Variants in PTPRT observed in about 807,000 individuals in gnomAD.
PTPRT encodes protein tyrosine phosphatase receptor type T, also known as receptor-type tyrosine-protein phosphatase T.
PTPRT carries 56 observed loss-of-function variants against 176.8 expected under a neutral mutation model. The observed-to-expected ratio is 0.32, with a 90% CI of 0.26 to 0.40. The LOEUF is 0.40. Ranked by LOEUF, PTPRT falls within the 10% of genes least tolerant of loss-of-function variation. The pLI, the probability that PTPRT is intolerant of heterozygous loss-of-function variation, is 1.00. For missense variants in PTPRT, 1,540 were observed against 1,908.2 expected (o/e 0.81, Z 3.60); for synonymous variants, 783 against 739.0 (o/e 1.06, Z -0.96).
At chr20:42,780,944 T>C (rs919909731) in intron 3 of PTPRT, among the ~76,000 whole-genome samples, 7 of 152,190 alleles carry the variant, frequency 4.6e-5, no homozygotes, top group Admixed American at 6.5e-5. Context: ...AATGTCTGTG[T>C]GGATAGCATG....
At position 42,154,776 on chromosome 20, in the gene PTPRT, G is replaced by A. The variant is rs139536482; in HGVS notation, c.2682+6576C>T. 2.6e-3 allele frequency among the ~76,000 whole-genome samples: 394 copies of A among 152,242 alleles called. 1 individual carries two copies. The highest frequency in any genetic ancestry group is 9.3e-3 in the African/African-American group (387 of 41,538). ...CAGTTACATGGGACACAGATAACTCGGCTCTCCAGCCCACATCTCTTATAT... is the reference window on the plus strand; with the variant it reads ...CAGTTACATGGGACACAGATAACTCAGCTCTCCAGCCCACATCTCTTATAT... On this transcript the variant is annotated intron_variant, in intron 17 of 30. Transcript: ENST00000373187.
chr20:42,704,431 CAA>C (rs3091987), intron 6 of PTPRT, among the ~76,000 whole-genome samples: 22 of 133,700 alleles, frequency 1.6e-4, no homozygotes, highest in Admixed American at 2.9e-4. Flanking sequence ...CGTTGATATC[CAA>C]AAAAAAAAAA....
At chr20:42,809,193 TCTC>T (rs1293104464) in intron 2 of PTPRT, among the ~76,000 whole-genome samples, 1 of 152,024 alleles carries the variant, frequency 6.6e-6, no homozygotes, top group Non-Finnish European at 1.5e-5. Flanking sequence ...ACTGCCCAAT[TCTC>T]CTTCCTCTCC....
intron 16 of PTPRT, among the ~76,000 whole-genome samples, 161 bp downstream of exon 16, chr20:42,199,079 C>T (rs1991344888): frequency 6.6e-6 from 1 of 152,028 alleles, no homozygotes; most frequent in African/African-American, 2.4e-5. Context: ...GATGAACTGC[C>T]CCAAGTCTTT....
intron 1 of PTPRT, among the ~76,000 whole-genome samples, chr20:43,138,586 C>T (rs2013907494): frequency 6.6e-6 from 1 of 152,210 alleles, no homozygotes; most frequent in Non-Finnish European, 1.5e-5. Flanking sequence ...TGAGTCACTG[C>T]CACTGTCATG....
At chr20:42,113,365 G>A (rs1166376508) in intron 22 of PTPRT, among the ~76,000 whole-genome samples, 1 of 152,244 alleles carries the variant, frequency 6.6e-6, no homozygotes, top group Non-Finnish European at 1.5e-5. Flanking sequence ...TGTGGCAGAT[G>A]AGACTGGTAC....
chr20:42,443,520 C>T (rs1380861484), intron 9 of PTPRT, among the ~76,000 whole-genome samples: 1 of 152,202 alleles, frequency 6.6e-6, no homozygotes, highest in Non-Finnish European at 1.5e-5. Flanking sequence ...AGATCTGAGG[C>T]CATGGTCTAA....
intron 9 of PTPRT, among the ~76,000 whole-genome samples, chr20:42,431,001 A>C: frequency 6.6e-6 from 1 of 151,382 alleles, no homozygotes; most frequent in Admixed American, 6.6e-5. Context: ...ATTCCATTCA[A>C]CCCAGTAATT....
chr20:42,575,533 T>C (rs1488890593), intron 7 of PTPRT, among the ~76,000 whole-genome samples: 1 of 152,134 alleles, frequency 6.6e-6, no homozygotes, highest in Non-Finnish European at 1.5e-5. Context: ...TAACCTCACT[T>C]CCCACAGTGC....
chr20:42,878,550 C>T (rs1389977640), intron 2 of PTPRT, among the ~76,000 whole-genome samples: 3 of 152,194 alleles, frequency 2.0e-5, no homozygotes, highest in African/African-American at 7.2e-5. Flanking sequence ...ACTCCTCAGC[C>T]ACATAAAACT....
chr20:42,683,486 C>G (rs2075639686), intron 6 of PTPRT, among the ~76,000 whole-genome samples: 2 of 152,120 alleles, frequency 1.3e-5, no homozygotes, highest in African/African-American at 4.8e-5. Flanking sequence ...CCATGTTTGC[C>G]AGGCAGGTCT....
At chr20:42,204,419 T>A (rs1168356255) in intron 15 of PTPRT, among the ~76,000 whole-genome samples, 2 of 152,206 alleles carry the variant, frequency 1.3e-5, no homozygotes, top group African/African-American at 2.4e-5. Flanking sequence ...TTTTTTTCTG[T>A]AGTTGCTTTG....
At chr20:42,622,529 C>A (rs1301959923) in intron 7 of PTPRT, among the ~76,000 whole-genome samples, 1 of 152,054 alleles carries the variant, frequency 6.6e-6, no homozygotes, top group Admixed American at 6.6e-5. Context: ...CATGAGCCAC[C>A]GTGCCCGGCC....
chr20:42,333,010 G>C (rs923578300), intron 11 of PTPRT, among the ~76,000 whole-genome samples: 2 of 152,178 alleles, frequency 1.3e-5, no homozygotes, highest in Non-Finnish European at 2.9e-5. Flanking sequence ...AAAGTTTACT[G>C]ATATTTCATT....
chr20:42,674,189 A>G lies in PTPRT; in HGVS notation c.1153+3677T>C, dbSNP rs368543122. Among the ~76,000 whole-genome samples, 115 of 152,328 alleles carry G rather than the reference A, an allele frequency of 7.5e-4. 1 individual carries two copies. The highest frequency in any genetic ancestry group is 2.4e-3 in the African/African-American group (100 of 41,566). On this transcript the variant is annotated intron_variant, in intron 7 of 30. Transcript: ENST00000373187. ...ATTACGAGGCAAAAAACATTCCACCATCAGTGGCGATGCAGGAAGGAAGAT... is the reference window on the plus strand; with the variant it reads ...ATTACGAGGCAAAAAACATTCCACCGTCAGTGGCGATGCAGGAAGGAAGAT...
chr20:43,042,867 C>T (rs904427498), intron 1 of PTPRT, among the ~76,000 whole-genome samples: 11 of 152,110 alleles, frequency 7.2e-5, no homozygotes, highest in African/African-American at 2.7e-4. Context: ...CAGATCATCT[C>T]AACTGTGGTT....
intron 15 of PTPRT, among the ~76,000 whole-genome samples, chr20:42,204,308 A>T (rs962586887): frequency 6.6e-6 from 1 of 152,156 alleles, no homozygotes; most frequent in Non-Finnish European, 1.5e-5. Flanking sequence ...AGAAAAAAAA[A>T]ATCTCATGCA....
rs1269383343 is a variant in PTPRT at position 42,617,131 on chromosome 20, G to C, written c.1153+60735C>G. On this transcript the variant is annotated intron_variant, in intron 7 of 30. Coordinates refer to ENST00000373187, the MANE Select transcript of PTPRT (RefSeq NM_007050.6). ...ACCTCCCATCAATACCTAATTTATTGAGAGTTTTTAGCATGAAGGGTTGTT... is the reference window on the plus strand; with the variant it reads ...ACCTCCCATCAATACCTAATTTATTCAGAGTTTTTAGCATGAAGGGTTGTT... Among the ~76,000 whole-genome samples the C allele has an allele frequency of 1.5e-5, 2 of 137,224 alleles. 1 individual carries two copies. Among genetic ancestry groups the C allele is most frequent in the Non-Finnish European group, 3.0e-5 (2 of 65,658 alleles). The allele number at this position is 137,224 out of a possible 152,430, so 90.0% of individuals were successfully genotyped here.
chr20:42,986,772 C>T (rs906482694), intron 1 of PTPRT, among the ~76,000 whole-genome samples: 3 of 152,142 alleles, frequency 2.0e-5, no homozygotes, highest in Admixed American at 6.5e-5. Context: ...GATGAAGAAA[C>T]TAAAGCATAA....
Sources: allele counts gnomAD v4.1 joint callset (sites outside exome capture counted in the v4.1 genomes callset), GRCh38; gene constraint gnomAD v4.1.1; transcripts MANE v1.5; gene names NCBI Gene and HGNC (gene_info 2026-07-23, HGNC 2026-07-21).